Variants in COPG2 observed in about 807,000 individuals in gnomAD.
COPG2 encodes the protein coatomer subunit gamma-2.
A neutral mutation model predicts 46.3 loss-of-function variants in COPG2; 37 were observed. The observed-to-expected ratio is 0.80, with a 90% CI of 0.61 to 1.05. COPG2 has a LOEUF of 1.05. Ranked by LOEUF, COPG2 falls within the 50% of genes least tolerant of loss-of-function variation. The pLI is 0.00. For missense variants in COPG2, 427 were observed against 387.8 expected, an observed-to-expected ratio of 1.10 and a Z score of -0.85; for synonymous variants, 159 against 129.7, an observed-to-expected ratio of 1.23 and a Z score of -1.53.
chr7:130,625,242 T>C (rs1554454110), intron 5 of COPG2, among the ~76,000 whole-genome samples: 1 of 152,224 alleles, frequency 6.6e-6, no homozygotes, highest in African/African-American at 2.4e-5. Context: ...TATTGATTAT[T>C]ATATATGAAT....
chr7:130,641,027 A>T (rs1795453276), intron 5 of COPG2, among the ~76,000 whole-genome samples: 1 of 145,910 alleles, frequency 6.9e-6, no homozygotes, highest in African/African-American at 2.5e-5. Flanking sequence ...AACAGAGGTT[A>T]AAAAAAAAAA....
chr7:130,566,756 G>C (rs1793809842), intron 9 of COPG2, among the ~76,000 whole-genome samples: 2 of 152,324 alleles, frequency 1.3e-5, no homozygotes, highest in East Asian at 3.9e-4. Flanking sequence ...GGCAGGATGT[G>C]ACAGTGATGT....
At chr7:130,639,892 C>G (rs1469756172) in intron 5 of COPG2, among the ~76,000 whole-genome samples, 1 of 152,042 alleles carries the variant, frequency 6.6e-6, no homozygotes, top group Admixed American at 6.6e-5. Flanking sequence ...CAAGTGGGCC[C>G]ACCTTCATGA....
chr7:130,635,404 T>C (rs782546350), intron 5 of COPG2, among the ~76,000 whole-genome samples: 71 of 152,182 alleles, frequency 4.7e-4, no homozygotes, highest in Non-Finnish European at 4.4e-4. Flanking sequence ...TATTGGTCTA[T>C]TCAGGGATTC....
Position 130,616,999 on chromosome 7 carries a change from C to T in COPG2, c.390G>A (p.Arg130=), listed in dbSNP as rs782712345. The T allele has an allele frequency of 1.9e-6, 3 of 1,608,470 alleles. No individual in the cohort carries two copies. In the Admixed American group the frequency reaches 5.0e-5, roughly 27 times the overall value. ...YRGPAIRALC[R]ITDGTMLQAI... ...GAAACAGATAACTTACATCGGTGAT[C>T]CTGCAGAGAGCTCTGATGGCCGGGC... The change falls in exon 6 of 24, where the codon AGG becomes AGA. Residue 130 remains arginine, a synonymous_variant. Transcript: ENST00000425248.
chr7:130,612,100 G>T, intron 8 of COPG2, 52 bp downstream of exon 8: 1 of 1,306,834 alleles, frequency 7.7e-7, no homozygotes, highest in Non-Finnish European at 1.1e-6. Context: ...CTACAATACA[G>T]GTTTAAAGAA....
At chr7:130,525,912 C>T (rs996228160) in intron 20 of COPG2, among the ~76,000 whole-genome samples, 18 of 142,378 alleles carry the variant, frequency 1.3e-4, no homozygotes, top group African/African-American at 4.6e-4. Context: ...ATTCTACACA[C>T]GGGTGTTGTG....
intron 9 of COPG2, among the ~76,000 whole-genome samples, chr7:130,566,035 C>T (rs1793797345): frequency 6.6e-6 from 1 of 152,086 alleles, no homozygotes; most frequent in Non-Finnish European, 1.5e-5. Context: ...AAGAAGAAAC[C>T]ATGGCTGAAA....
At chr7:130,508,937 AG>A in intron 20 of COPG2, 1 of 498,088 alleles carries the variant, frequency 2.0e-6, no homozygotes, top group Admixed American at 2.9e-5. Flanking sequence ...AGCAGCAGAG[AG>A]GTACTTTTGG....
At chr7:130,653,277 A>G (rs560760046) in intron 4 of COPG2, among the ~76,000 whole-genome samples, 148 of 152,302 alleles carry the variant, frequency 9.7e-4, no homozygotes, top group African/African-American at 3.4e-3. Flanking sequence ...TTTTTGAGAC[A>G]GAGTTACGCT....
chr7:130,591,970 C>T lies in COPG2; in HGVS notation c.737+18983G>A, dbSNP rs868922468. Among the ~76,000 whole-genome samples the T allele has an allele frequency of 6.6e-5, 10 of 152,236 alleles. No individual in the cohort carries two copies. In the East Asian group the frequency reaches 7.7e-4, roughly 12 times the overall value. ...TTGTGGAATAGAAAGGGGGGAAAGGCGGGGAAAAGATTGAGAAATCGGATG... is the reference window on the plus strand; with the variant it reads ...TTGTGGAATAGAAAGGGGGGAAAGGTGGGGAAAAGATTGAGAAATCGGATG... On this transcript the variant is annotated intron_variant, in intron 9 of 23. Transcript: ENST00000425248.
chr7:130,513,305 AAAAATATATATATAT>A (rs1163567791), intron 20 of COPG2, among the ~76,000 whole-genome samples: 3 of 50,040 alleles, frequency 6.0e-5, no homozygotes, highest in African/African-American at 2.6e-4. Flanking sequence ...AAAAAAAAAA[AAAAATATATATATAT>A]ATATATATAT....
chr7:130,625,688 A>G (rs782029422), intron 5 of COPG2, among the ~76,000 whole-genome samples: 2 of 151,214 alleles, frequency 1.3e-5, no homozygotes, highest in Non-Finnish European at 2.9e-5. Context: ...TTTTTTACCA[A>G]CTTAGCTTAC....
intron 20 of COPG2, among the ~76,000 whole-genome samples, chr7:130,531,529 A>G (rs1799824957): frequency 6.6e-6 from 1 of 151,744 alleles, no homozygotes; most frequent in South Asian, 2.1e-4. Flanking sequence ...TGAGAGTCCT[A>G]TCAGGTGGCA....
At position 130,564,680 on chromosome 7, in the gene COPG2, C is replaced by T. The variant is rs903586280; in HGVS notation, c.738-287G>A. On this transcript the variant is annotated intron_variant, in intron 9 of 23. Transcript: ENST00000425248. ...GTGAAGTTTCTGGTGTTTTAACCTA[C>T]TCATTCTCAATTTCCATGCACCTCT... 1.6e-4 allele frequency among the ~76,000 whole-genome samples: 24 copies of T among 152,270 alleles called. No individual in the cohort carries two copies. The East Asian group carries it at 4.6e-3, about 29-fold the overall frequency.
At chr7:130,635,943 G>A (rs1554456106) in intron 5 of COPG2, among the ~76,000 whole-genome samples, 2 of 152,042 alleles carry the variant, frequency 1.3e-5, no homozygotes, top group African/African-American at 4.8e-5. Context: ...ATTTATTTCT[G>A]CCTTAATTTC....
intron 9 of COPG2, among the ~76,000 whole-genome samples, chr7:130,595,110 G>C (rs1333076876): frequency 6.6e-6 from 1 of 152,064 alleles, no homozygotes; most frequent in African/African-American, 2.4e-5. Flanking sequence ...ATGAATACGA[G>C]CCAAATGTCC....
At chr7:130,594,681 T>C (rs1794493137) in intron 9 of COPG2, among the ~76,000 whole-genome samples, 1 of 152,168 alleles carries the variant, frequency 6.6e-6, no homozygotes, top group African/African-American at 2.4e-5. Flanking sequence ...CAACCTAATT[T>C]TTTAAATGGG....
intron 20 of COPG2, among the ~76,000 whole-genome samples, chr7:130,512,312 A>T (rs1005033916): frequency 7.0e-6 from 1 of 142,466 alleles, no homozygotes; most frequent in Non-Finnish European, 1.5e-5. Context: ...AACTCCATCT[A>T]AAAAAAAAAA....
Sources: gnomAD v4.1 joint callset for allele counts (sites outside exome capture counted in the v4.1 genomes callset) on GRCh38, gnomAD v4.1.1 for gene constraint, MANE v1.5 for transcripts, NCBI Gene and HGNC (gene_info 2026-07-23, HGNC 2026-07-21) for gene names.